Variants in OR51B5 observed in about 807,000 individuals in gnomAD.
OR51B5 encodes the protein olfactory receptor family 51 subfamily B member 5.
For synonymous variants in OR51B5, 186 were observed against 144.8 expected (o/e 1.28, Z -2.04); for missense variants, 456 against 374.6 (o/e 1.22, Z -1.79).
chr11:5,400,355 A>G (rs1414118186), intron 1 of OR51B5, among the ~76,000 whole-genome samples: 1 of 152,128 alleles, frequency 6.6e-6, no homozygotes, highest in African/African-American at 2.4e-5. Context: ...TTAATATCCT[A>G]TTACATCTAC....
intron 1 of OR51B5, among the ~76,000 whole-genome samples, chr11:5,495,669 G>A (rs561918016): frequency 5.3e-4 from 78 of 147,600 alleles, no homozygotes; most frequent in African/African-American, 1.7e-3. Context: ...AAGAAGAGAG[G>A]AAGAACCAGG....
rs562659229 is a variant in OR51B5, at chr11:5,356,107, C to T, written n.85-9197G>A. Among the ~76,000 whole-genome samples the T allele has an allele frequency of 3.5e-3, 535 of 152,048 alleles. 3 individuals are homozygous for T. Among genetic ancestry groups the T allele is most frequent in the African/African-American group, 0.012 (511 of 41,360 alleles). On this transcript the variant is annotated intron_variant and non_coding_transcript_variant, in intron 1 of 4. Transcript: ENST00000415970. ...AAGGAATGCAGCTCCTCACCAGCAA[C>T]GGTACAAAGCTGGACAGAGAATGAC...
chr11:5,407,618 A>AT (rs1232709144), intron 1 of OR51B5, among the ~76,000 whole-genome samples: 1 of 151,488 alleles, frequency 6.6e-6, no homozygotes, highest in Non-Finnish European at 1.5e-5. Flanking sequence ...CATGTGTTCA[A>AT]TTTATCTGCT....
intron 1 of OR51B5, among the ~76,000 whole-genome samples, chr11:5,405,680 A>G (rs4277141): frequency 0.38 from 57,907 of 152,140 alleles, 12,739 homozygotes; most frequent in Non-Finnish European, 0.5. Flanking sequence ...AACATTTTAA[A>G]TAGTTTGCTT....
intron 1 of OR51B5, among the ~76,000 whole-genome samples, chr11:5,420,891 A>G (rs749989571): frequency 1.2e-4 from 19 of 152,034 alleles, no homozygotes; most frequent in Non-Finnish European, 2.1e-4. Context: ...TAGTGTTTCC[A>G]GAGGCTCAGG....
chr11:5,408,281 T>G (rs2133747824), intron 1 of OR51B5, among the ~76,000 whole-genome samples: 1 of 152,248 alleles, frequency 6.6e-6, no homozygotes, highest in Admixed American at 6.5e-5. Context: ...GATATCTTAT[T>G]TTATCCCATG....
chr11:5,386,537 C>T (rs895464040), intron 1 of OR51B5, among the ~76,000 whole-genome samples: 5 of 152,076 alleles, frequency 3.3e-5, no homozygotes, highest in African/African-American at 4.8e-5. Flanking sequence ...GGACTATCAC[C>T]ACAGATCTTT....
At chr11:5,458,422 G>A (rs1405851386) in intron 1 of OR51B5, among the ~76,000 whole-genome samples, 1 of 152,130 alleles carries the variant, frequency 6.6e-6, no homozygotes, top group Non-Finnish European at 1.5e-5. Context: ...TTTTGTTTAG[G>A]AACGCTTTGG....
At chr11:5,422,948 G>C in intron 1 of OR51B5, 1 of 1,614,080 alleles carries the variant, frequency 6.2e-7, no homozygotes, top group Non-Finnish European at 8.5e-7. Flanking sequence ...CATTCTAGCT[G>C]TCCTGGTCCT....
intron 1 of OR51B5, chr11:5,402,611 T>C (rs1349833518): frequency 2.1e-6 from 1 of 470,210 alleles, no homozygotes; most frequent in Non-Finnish European, 4.4e-6. Context: ...AAATTTCTAA[T>C]AACTCTTTGG....
upstream of OR51B5, among the ~76,000 whole-genome samples, chr11:5,345,450 G>A (rs1436631730): frequency 1.3e-5 from 2 of 152,058 alleles, no homozygotes; most frequent in Admixed American, 6.6e-5. Flanking sequence ...ATTAAAAATG[G>A]GAGTGAGGGA....
At chr11:5,480,600 T>G (rs1264497258) in intron 1 of OR51B5, among the ~76,000 whole-genome samples, 1 of 151,766 alleles carries the variant, frequency 6.6e-6, no homozygotes, top group African/African-American at 2.4e-5. Context: ...ATAAAATTGA[T>G]AGACCGCTAG....
intron 1 of OR51B5, among the ~76,000 whole-genome samples, chr11:5,357,647 G>C (rs903190395): frequency 6.6e-6 from 1 of 151,080 alleles, no homozygotes; most frequent in African/African-American, 2.4e-5. Flanking sequence ...GGACCTAATA[G>C]ACATCTACAG....
intron 1 of OR51B5, among the ~76,000 whole-genome samples, chr11:5,486,141 G>T (rs1167924273): frequency 9.1e-5 from 1 of 10,940 alleles, no homozygotes; most frequent in Non-Finnish European, 2.9e-4. Flanking sequence ...ATATGTTTCT[G>T]TTATTAAACC....
At chr11:5,347,271 T>C (rs1183527470), upstream of OR51B5, among the ~76,000 whole-genome samples, 4 of 152,196 alleles carry the variant, frequency 2.6e-5, no homozygotes, top group African/African-American at 9.7e-5. Flanking sequence ...CTTCTTGGCC[T>C]ATGTAACCTG....
chr11:5,341,079 G>A (rs959116916), downstream of OR51B5: 1 of 152,052 alleles, frequency 6.6e-6, no homozygotes, highest in African/African-American at 2.4e-5. Flanking sequence ...ATCTCTTAAT[G>A]AAACAGAATA....
chr11:5,413,496 G>C (rs1589982583), intron 1 of OR51B5, among the ~76,000 whole-genome samples: 1 of 152,158 alleles, frequency 6.6e-6, no homozygotes, highest in South Asian at 2.1e-4. Flanking sequence ...AGCTACAGGA[G>C]GAAATTCAAA....
chr11:5,379,474 A>T (rs1362137969), intron 1 of OR51B5, among the ~76,000 whole-genome samples: 1 of 119,602 alleles, frequency 8.4e-6, no homozygotes, highest in African/African-American at 3.1e-5. Context: ...AATAATAAAT[A>T]AAATAAATAA....
chr11:5,493,487 G>T (rs1031431990), intron 1 of OR51B5, among the ~76,000 whole-genome samples: 59 of 152,252 alleles, frequency 3.9e-4, no homozygotes, highest in Non-Finnish European at 6.8e-4. Context: ...CCGAGAATCA[G>T]AGCTGAGACA....
Sources: gnomAD v4.1 joint callset for allele counts (sites outside exome capture counted in the v4.1 genomes callset) on GRCh38, gnomAD v4.1.1 for gene constraint, MANE v1.5 for transcripts, NCBI Gene and HGNC (gene_info 2026-07-23, HGNC 2026-07-21) for gene names.